ACOXL: variants seen among roughly 807,000 people sequenced by gnomAD.
The protein encoded by ACOXL is acyl-coenzyme A oxidase-like protein.
In ACOXL, 70 loss-of-function variants were observed where a neutral mutation model predicts 71.9. The observed-to-expected ratio is 0.97, with a 90% CI of 0.80 to 1.19. ACOXL has a LOEUF of 1.19. ACOXL is among the 50% of genes most tolerant of loss of function. The pLI is 0.00. For missense variants in ACOXL, 703 were observed against 736.3 expected, an observed-to-expected ratio of 0.95 and a Z score of 0.52; for synonymous variants, 253 against 281.6, an observed-to-expected ratio of 0.90 and a Z score of 1.02.
At chr2:110,914,628 T>G (rs1348370298) in intron 11 of ACOXL, among the ~76,000 whole-genome samples, 3 of 152,218 alleles carry the variant, frequency 2.0e-5, no homozygotes, top group African/African-American at 7.2e-5. Context: ...GAGTTTTACT[T>G]ATTTTTTCCA....
intron 5 of ACOXL, among the ~76,000 whole-genome samples, chr2:110,797,055 T>G (rs767175043): frequency 6.6e-6 from 1 of 152,210 alleles, no homozygotes; most frequent in Non-Finnish European, 1.5e-5. Flanking sequence ...TTGCCCCAGG[T>G]GCCCTGTATT....
chr2:111,000,341 T>C (rs1483533), intron 14 of ACOXL, among the ~76,000 whole-genome samples: 136,695 of 152,168 alleles, frequency 0.9, 61,656 homozygotes, highest in African/African-American at 0.97. Context: ...GTTGAAGGTG[T>C]TGCCTGCCTT....
intron 10 of ACOXL, among the ~76,000 whole-genome samples, chr2:110,871,940 C>T (rs1695331956): frequency 6.6e-6 from 1 of 152,212 alleles, no homozygotes; most frequent in Non-Finnish European, 1.5e-5. Flanking sequence ...CAGTAATCCA[C>T]CTCTGCGTAA....
In ACOXL at chr2:111,049,207, T is replaced by G; in HGVS notation, c.1370-11T>G. 1 of 1,602,954 alleles carries G rather than the reference T, an allele frequency of 6.2e-7. No homozygotes were observed. On this transcript the variant is annotated splice_polypyrimidine_tract_variant and intron_variant, in intron 15 of 17. Transcript: ENST00000439055. Reference sequence around the variant, plus strand: ...TGAAGTCATTCACAATTTCCATTTCTTCCCTTCCAGTTACCTTAGAGCAGT... The same window carrying G: ...TGAAGTCATTCACAATTTCCATTTCGTCCCTTCCAGTTACCTTAGAGCAGT...
rs148436309 is a variant in ACOXL at position 111,116,511 on chromosome 2, T to G, written c.1543-1105T>G. ...GAAAACCTGAAATGCTCTGAAAACC[T>G]GAAATGGCGTTTTGGACTGCTGCAA... On this transcript the variant is annotated intron_variant, in intron 17 of 17. Transcript: ENST00000439055. 4.7e-3 allele frequency among the ~76,000 whole-genome samples: 716 copies of G among 152,220 alleles called. 4 individuals carry two copies. Among genetic ancestry groups the G allele is most frequent in the Non-Finnish European group, 6.8e-3 (464 of 68,016 alleles).
intron 12 of ACOXL, among the ~76,000 whole-genome samples, chr2:110,934,793 CTGA>C (rs2060600835): frequency 6.6e-6 from 1 of 152,038 alleles, no homozygotes; most frequent in Admixed American, 6.5e-5. Context: ...AGATGTGTCC[CTGA>C]TGATGGTGGG....
chr2:110,856,659 A>G (rs1693286820), intron 10 of ACOXL, among the ~76,000 whole-genome samples: 2 of 152,256 alleles, frequency 1.3e-5, no homozygotes, highest in Non-Finnish European at 2.9e-5. Context: ...AGGTACAGCC[A>G]CAGGGGTGAT....
intron 10 of ACOXL, among the ~76,000 whole-genome samples, chr2:110,857,573 G>A (rs1478292614): frequency 6.6e-6 from 1 of 152,190 alleles, no homozygotes; most frequent in Non-Finnish European, 1.5e-5. Context: ...TTAAACACGA[G>A]GGAGAGTAGC....
chr2:110,900,784 T>A (rs938696820), intron 10 of ACOXL, among the ~76,000 whole-genome samples: 1 of 152,236 alleles, frequency 6.6e-6, no homozygotes, highest in Non-Finnish European at 1.5e-5. Context: ...CACTTTTGTT[T>A]GTGTAATTGA....
At chr2:111,057,693 T>C (rs1049956261) in intron 16 of ACOXL, among the ~76,000 whole-genome samples, 3 of 152,188 alleles carry the variant, frequency 2.0e-5, no homozygotes, top group Non-Finnish European at 2.9e-5. Context: ...AAAGTTCTGC[T>C]ATAAGGAGAA....
chr2:111,001,610 T>A (rs149881523), intron 14 of ACOXL, among the ~76,000 whole-genome samples: 2 of 152,324 alleles, frequency 1.3e-5, no homozygotes, highest in African/African-American at 4.8e-5. Flanking sequence ...GACCACTGAT[T>A]CCTGCATTAT....
chr2:110,915,878 A>T (rs962728688), intron 11 of ACOXL, among the ~76,000 whole-genome samples: 2 of 151,672 alleles, frequency 1.3e-5, no homozygotes, highest in African/African-American at 2.4e-5. Flanking sequence ...TTGTCCTCAT[A>T]AAAAAAATAG....
chr2:110,930,471 A>G (rs952059297), intron 11 of ACOXL, among the ~76,000 whole-genome samples: 2 of 152,208 alleles, frequency 1.3e-5, no homozygotes, highest in South Asian at 2.1e-4. Flanking sequence ...TTTGTCTCAG[A>G]TAAGACTTTG....
chr2:110,963,587 G>A, intron 12 of ACOXL: 2 of 1,426,148 alleles, frequency 1.4e-6, no homozygotes, highest in Non-Finnish European at 1.9e-6. Flanking sequence ...GTGTGTGTGT[G>A]TGTGTGTGTG....
intron 16 of ACOXL, among the ~76,000 whole-genome samples, chr2:111,065,663 TA>T (rs138023782): frequency 1.3e-3 from 199 of 152,288 alleles, no homozygotes; most frequent in African/African-American, 4.2e-3. Flanking sequence ...CAATCAAATG[TA>T]AACAGGTTTT....
intron 12 of ACOXL, among the ~76,000 whole-genome samples, chr2:110,976,465 A>G (rs2062449605): frequency 6.6e-6 from 1 of 152,284 alleles, no homozygotes; most frequent in African/African-American, 2.4e-5. Flanking sequence ...TAGCCAAATT[A>G]TTGATCAAGT....
At chr2:110,902,067 G>T (rs1043641352) in intron 10 of ACOXL, among the ~76,000 whole-genome samples, 1 of 151,818 alleles carries the variant, frequency 6.6e-6, no homozygotes, top group Non-Finnish European at 1.5e-5. Context: ...AGAAAAAATT[G>T]CCCATGGGAA....
intron 9 of ACOXL, among the ~76,000 whole-genome samples, chr2:110,826,515 A>G (rs1231246281): frequency 6.6e-6 from 1 of 152,166 alleles, no homozygotes; most frequent in East Asian, 1.9e-4. Context: ...TGCCACCCAT[A>G]GGTGTGTTAT....
chr2:110,867,145 A>AAGTTAGGTG (rs1694708597), intron 10 of ACOXL, among the ~76,000 whole-genome samples: 1 of 152,136 alleles, frequency 6.6e-6, no homozygotes, highest in Non-Finnish European at 1.5e-5. Flanking sequence ...GTTAGGTGCG[A>AAGTTAGGTG]CTGGAGAATA....
Sources: gnomAD v4.1 joint callset for allele counts (sites outside exome capture counted in the v4.1 genomes callset) on GRCh38, gnomAD v4.1.1 for gene constraint, MANE v1.5 for transcripts, NCBI Gene and HGNC (gene_info 2026-07-23, HGNC 2026-07-21) for gene names.